CASR: variants seen among roughly 807,000 people sequenced by gnomAD.
CASR encodes the protein extracellular calcium-sensing receptor.
CASR carries 23 observed loss-of-function variants against 69.1 expected under a neutral mutation model. The observed-to-expected ratio is 0.33, with a 90% confidence interval of 0.24 to 0.47. CASR has a LOEUF of 0.47. CASR is among the 20% of genes least tolerant of loss of function. CASR has a pLI of 1.00. For synonymous variants in CASR, 541 were observed against 544.7 expected (o/e 0.99, Z 0.10); for missense variants, 924 against 1,356.1 (o/e 0.68, Z 5.00).
At chr3:122,200,830 G>A (rs1381741254) in intron 1 of CASR, among the ~76,000 whole-genome samples, 5 of 152,138 alleles carry the variant, frequency 3.3e-5, no homozygotes, top group Non-Finnish European at 5.9e-5. Context: ...TTGTTCATTA[G>A]TGTAAGAGAG....
chr3:122,204,222 C>G (rs1434689293), intron 1 of CASR, among the ~76,000 whole-genome samples: 1 of 152,108 alleles, frequency 6.6e-6, no homozygotes, highest in Admixed American at 6.5e-5. Flanking sequence ...TATTTGTACC[C>G]ATTAATCAAG....
At chr3:122,211,551 TAAA>T (rs1262082870) in intron 1 of CASR, among the ~76,000 whole-genome samples, 1 of 151,924 alleles carries the variant, frequency 6.6e-6, no homozygotes, top group Non-Finnish European at 1.5e-5. Context: ...CTACTAAAAA[TAAA>T]AAAACTAGCT....
intron 1 of CASR, among the ~76,000 whole-genome samples, chr3:122,204,047 A>G (rs557757510): frequency 1.1e-4 from 17 of 152,312 alleles, no homozygotes; most frequent in Non-Finnish European, 1.9e-4. Context: ...AGATGAAATC[A>G]GTGTACTTGG....
chr3:122,201,653 G>A (rs368999115), intron 1 of CASR, among the ~76,000 whole-genome samples: 9 of 78,504 alleles, frequency 1.1e-4, no homozygotes, highest in Non-Finnish European at 2.8e-4. Context: ...CCTCCCGGAC[G>A]GGGCGGCTGG....
intron 1 of CASR, among the ~76,000 whole-genome samples, chr3:122,230,196 C>T (rs2074265660): frequency 6.6e-6 from 1 of 152,230 alleles, no homozygotes; most frequent in Admixed American, 6.5e-5. Flanking sequence ...ATCCTGCAAG[C>T]TCAGCCTAGG....
chr3:122,254,448 T>C, intron 2 of CASR, 74 bp downstream of exon 2: 1 of 1,454,900 alleles, frequency 6.9e-7, no homozygotes, highest in Non-Finnish European at 9.6e-7. Context: ...AAACGCAAAA[T>C]AATTTTTTCA....
At position 122,284,018 on chromosome 3, in the gene CASR, C is replaced by T. The variant is rs150869744; in HGVS notation, c.2064C>T (p.Phe688=). 1.1e-4 allele frequency: 180 copies of T among 1,614,138 alleles called. No individual in the cohort carries two copies. Among genetic ancestry groups the T allele is most frequent in the African/African-American group, 8.3e-4 (62 of 75,064 alleles). ...GCCAGCCGGCCTTTGGCATCAGCTT[C>T]GTGCTCTGCATCTCATGCATCCTGG... The part of the protein sequence containing the change: ...RLRQPAFGIS[F]VLCISCILVK... The change falls in exon 7 of 7, where the codon TTC becomes TTT. Residue 688 remains phenylalanine, a synonymous_variant. Transcript: ENST00000639785.
At chr3:122,220,897 C>T (rs569375505) in intron 1 of CASR, among the ~76,000 whole-genome samples, 63 of 152,244 alleles carry the variant, frequency 4.1e-4, no homozygotes, top group Middle Eastern at 3.4e-3. Context: ...TCACTTGAAC[C>T]CAGGAAGCAG....
chr3:122,252,454 G>GA (rs377212258), intron 1 of CASR, among the ~76,000 whole-genome samples: 1 of 45,124 alleles, frequency 2.2e-5, no homozygotes, highest in African/African-American at 8.8e-5. Context: ...AGAAAAAAAA[G>GA]AAAAGAAAGA....
At chr3:122,233,993 T>A (rs947210516) in intron 1 of CASR, among the ~76,000 whole-genome samples, 6 of 152,150 alleles carry the variant, frequency 3.9e-5, no homozygotes. Flanking sequence ...GACCTCTATC[T>A]CTGGACACAA....
chr3:122,191,243 A>C (rs370392738), intron 1 of CASR, among the ~76,000 whole-genome samples: 3 of 152,362 alleles, frequency 2.0e-5, no homozygotes, highest in South Asian at 4.1e-4. Flanking sequence ...GTAGCAGAGA[A>C]TCATGAAGGA....
chr3:122,206,579 C>T (rs530142371), intron 1 of CASR, among the ~76,000 whole-genome samples: 20 of 151,858 alleles, frequency 1.3e-4, no homozygotes, highest in East Asian at 3.9e-4. Flanking sequence ...ATCAGGATAA[C>T]GCTGACCTCG....
chr3:122,204,488 C>A (rs1009665686), intron 1 of CASR, among the ~76,000 whole-genome samples: 4 of 152,100 alleles, frequency 2.6e-5, no homozygotes, highest in Non-Finnish European at 5.9e-5. Flanking sequence ...CGTTGATGGG[C>A]ACTTCAGGTT....
chr3:122,234,780 T>C (rs181837463), intron 1 of CASR, among the ~76,000 whole-genome samples: 93 of 152,348 alleles, frequency 6.1e-4, no homozygotes, highest in Non-Finnish European at 1.2e-3. Flanking sequence ...TGTGGGCTTC[T>C]TTGGGGAAAG....
rs2107654355 is a variant in CASR at position 122,288,865 on chromosome 3, A to G, written c.*3674A>G. On this transcript the variant is annotated 3_prime_UTR_variant, in exon 7 of 7. Transcript: ENST00000639785. The stretch of plus-strand genomic sequence containing the variant: ...TCTTTTGAAAATTAAAATGAATTAT[A>G]AAGTTAAAAAGATTTTCACTCAAAT... 6.6e-6 allele frequency: 1 copy of G among 152,326 alleles called. No individual in the cohort carries two copies. The highest frequency in any genetic ancestry group is 1.9e-4 in the East Asian group (1 of 5,188). 9.4% of individuals were successfully genotyped at this position (152,326 alleles called of 1,614,324 possible). A position where few individuals can be genotyped will look rare whatever the true frequency, so the allele number is the denominator to read the frequency against.
At chr3:122,267,395 CA>C (rs2074706901) in intron 4 of CASR, among the ~76,000 whole-genome samples, 1 of 151,586 alleles carries the variant, frequency 6.6e-6, no homozygotes, top group South Asian at 2.1e-4. Flanking sequence ...GGACATAGTA[CA>C]ATACAATTCA....
At chr3:122,209,246 A>G (rs939735925) in intron 1 of CASR, among the ~76,000 whole-genome samples, 1 of 151,716 alleles carries the variant, frequency 6.6e-6, no homozygotes, top group Non-Finnish European at 1.5e-5. Flanking sequence ...ACATCCTCAC[A>G]CTAAAAAAAA....
At chr3:122,201,306 C>G (rs2073948542) in intron 1 of CASR, among the ~76,000 whole-genome samples, 1 of 152,208 alleles carries the variant, frequency 6.6e-6, no homozygotes, top group Non-Finnish European at 1.5e-5. Flanking sequence ...TCAGAGAGCA[C>G]AGGGTTGGGG....
At chr3:122,192,866 G>A (rs1280856010) in intron 1 of CASR, among the ~76,000 whole-genome samples, 5 of 152,112 alleles carry the variant, frequency 3.3e-5, no homozygotes, top group Non-Finnish European at 5.9e-5. Context: ...CTCTTCTCAC[G>A]ATCCAGCTGC....
Sources: gnomAD v4.1 joint callset for allele counts (sites outside exome capture counted in the v4.1 genomes callset) on GRCh38, gnomAD v4.1.1 for gene constraint, MANE v1.5 for transcripts, NCBI Gene and HGNC (gene_info 2026-07-23, HGNC 2026-07-21) for gene names.